Variants in LRP2 observed in about 807,000 individuals in gnomAD.
The protein encoded by LRP2 is LDL receptor related protein 2.
A neutral mutation model predicts 531.0 loss-of-function variants in LRP2; 172 were observed. The observed-to-expected ratio is 0.32, with a 90% CI of 0.29 to 0.37. The LOEUF is 0.37. Ranked by LOEUF, LRP2 falls within the 10% of genes least tolerant of loss-of-function variation. The pLI is 1.00. For synonymous variants in LRP2, 1,992 were observed against 2,027.6 expected, an observed-to-expected ratio of 0.98 and a Z score of 0.47; for missense variants, 5,167 against 5,868.3, an observed-to-expected ratio of 0.88 and a Z score of 3.90.
Position 169,279,570 on chromosome 2 carries a change from A to T in LRP2, c.1367T>A (p.Leu456Ter). The change falls in exon 12 of 79, where the codon TTA becomes TAA. Residue 456 changes from leucine to a stop codon, truncating the protein, a stop_gained. Coordinates refer to ENST00000649046, the MANE Select transcript of LRP2 (RefSeq NM_004525.3). LOFTEE classifies it high-confidence loss of function. ...AACATTGAGAACCTCTTGGATATTTAAACCATTAATGTCAACTGAAAAAAC... is the reference window on the plus strand; with the variant it reads ...AACATTGAGAACCTCTTGGATATTTTAACCATTAATGTCAACTGAAAAAAC... ...NKVFSVDINGLNIQEVLNVSV... is the reference protein window; with the variant it reads ...NKVFSVDING 1 of 1,613,316 alleles carries T rather than the reference A, an allele frequency of 6.2e-7. No homozygotes were observed. The highest frequency in any genetic ancestry group is 8.5e-7 in the Non-Finnish European group (1 of 1,179,330).
chr2:169,163,410 T>C (rs1686658968), intron 62 of LRP2, among the ~76,000 whole-genome samples: 1 of 152,132 alleles, frequency 6.6e-6, no homozygotes, highest in Non-Finnish European at 1.5e-5. Flanking sequence ...TCCCAAACAG[T>C]AAAAGTCTGA....
At chr2:169,294,337 G>A in intron 5 of LRP2, 76 bp from the exon 6 acceptor site, 2 of 915,100 alleles carry the variant, frequency 2.2e-6, no homozygotes, top group Non-Finnish European at 3.7e-6. Flanking sequence ...CAAAGGAAGA[G>A]CATCTCCAGT....
chr2:169,339,451 A>T (rs911165828), intron 1 of LRP2, among the ~76,000 whole-genome samples: 5 of 152,168 alleles, frequency 3.3e-5, no homozygotes, highest in Non-Finnish European at 7.4e-5. Flanking sequence ...AAAATATATC[A>T]CTACTTAGTG....
chr2:169,138,388 T>A (rs1040795428), intron 75 of LRP2, among the ~76,000 whole-genome samples, 189 bp downstream of exon 75: 2 of 152,206 alleles, frequency 1.3e-5, no homozygotes. Context: ...TAAATTCCAA[T>A]GTTATTACCA....
chr2:169,331,111 C>T (rs72880441), intron 1 of LRP2, among the ~76,000 whole-genome samples: 6,431 of 152,166 alleles, frequency 0.042, 191 homozygotes, highest in Non-Finnish European at 0.059. Context: ...GAGGGGACCA[C>T]ACTAGAAAAA....
chr2:169,300,218 A>C (rs552623349), intron 4 of LRP2, among the ~76,000 whole-genome samples: 522 of 152,232 alleles, frequency 3.4e-3, no homozygotes, highest in African/African-American at 0.011. Context: ...TATTTGGGAG[A>C]GTGAAATTAC....
At chr2:169,221,166 G>A (rs189348465) in intron 33 of LRP2, among the ~76,000 whole-genome samples, 182 of 152,224 alleles carry the variant, frequency 1.2e-3, no homozygotes, top group African/African-American at 4.1e-3. Flanking sequence ...GAAGGTCTGC[G>A]TAGACCTTAC....
At chr2:169,182,369 T>C (rs762339110) in intron 50 of LRP2, 50 bp from the exon 51 acceptor site, 1 of 1,607,346 alleles carries the variant, frequency 6.2e-7, no homozygotes, top group Non-Finnish European at 8.5e-7. Context: ...TGTGAAATGG[T>C]ACATATTTAG....
chr2:169,318,717 T>A, intron 3 of LRP2, 45 bp downstream of exon 3: 1 of 1,613,766 alleles, frequency 6.2e-7, no homozygotes. Flanking sequence ...GGTTGGGTTT[T>A]AGGTGTCCAC....
In LRP2 at chr2:169,156,278, A is replaced by C; in HGVS notation, c.12147T>G (p.Ala4049=). The C allele has an allele frequency of 6.2e-7, 1 of 1,613,680 alleles. No individual in the cohort carries two copies. Among genetic ancestry groups the C allele is most frequent in the Non-Finnish European group, 8.5e-7 (1 of 1,179,644 alleles). Residue 4049 remains alanine, a synonymous_variant, in exon 65 of 79, where the codon GCT becomes GCG. Transcript: ENST00000649046. ...CCCAACATGAACCCATCATACCCTC[A>C]GCTGCACATCGTTTTCCAGGGCGGT... ...MSDRPGKRCA[A]EGSSPLLLLP... is the part of the protein sequence containing the mutation.
At chr2:169,159,281 A>G (rs890744924) in intron 63 of LRP2, among the ~76,000 whole-genome samples, 1 of 152,142 alleles carries the variant, frequency 6.6e-6, no homozygotes, top group Non-Finnish European at 1.5e-5. Context: ...ATCAAAATAG[A>G]TTTATATCTA....
intron 16 of LRP2, among the ~76,000 whole-genome samples, chr2:169,262,208 C>T (rs1436231675): frequency 3.4e-5 from 5 of 147,396 alleles, no homozygotes; most frequent in East Asian, 4.0e-4. Flanking sequence ...CCTCTCTCAC[C>T]ACTCCTATTC....
intron 16 of LRP2, among the ~76,000 whole-genome samples, chr2:169,269,855 A>T (rs1334088333): frequency 6.6e-6 from 1 of 152,234 alleles, no homozygotes; most frequent in Non-Finnish European, 1.5e-5. Flanking sequence ...CAATCTACCC[A>T]TCTTACAAAG....
At chr2:169,320,729 C>A (rs368418806) in intron 2 of LRP2, 48 bp downstream of exon 2, 1 of 1,428,968 alleles carries the variant, frequency 7.0e-7, no homozygotes. Flanking sequence ...CACCAGGAAG[C>A]ACTTAGGTTA....
chr2:169,228,476 AC>A (rs1388209425), intron 31 of LRP2, among the ~76,000 whole-genome samples: 1 of 152,066 alleles, frequency 6.6e-6, no homozygotes, highest in Non-Finnish European at 1.5e-5. Context: ...TTACTCACTT[AC>A]GTAAGATCTG....
rs778463783 is a variant in LRP2, at chr2:169,231,876, G to A, written c.5099-34C>T. 3 of 1,611,464 alleles carry A rather than the reference G, an allele frequency of 1.9e-6. No individual in the cohort carries two copies. The East Asian group carries it at 6.7e-5, about 36-fold the overall frequency. On this transcript the variant is annotated intron_variant, in intron 30 of 78. Transcript: ENST00000649046. ...GAAAGAGAAGAAAGCACCAGTAAGT[G>A]GAAAACCTCCACATTAAAATCAAAA...
intron 57 of LRP2, 22 bp from the exon 58 acceptor site, chr2:169,172,156 G>A: frequency 6.2e-7 from 1 of 1,613,970 alleles, no homozygotes; most frequent in South Asian, 1.1e-5. Context: ...TCATTGCAAA[G>A]ACTTCATAAA....
chr2:169,207,145 G>C lies in LRP2; in HGVS notation c.6575C>G (p.Pro2192Arg), dbSNP rs780008529. The change falls in exon 39 of 79, where the codon CCT becomes CGT. Residue 2192 changes from proline to arginine, a missense_variant. This residue lies in a region of LRP2 where 2,811 missense variants were observed against 3,058.0 expected (regional missense o/e 0.92). Coordinates refer to ENST00000649046, the MANE Select transcript of LRP2 (RefSeq NM_004525.3). Reference sequence around the variant, plus strand: ...CTTGGGATCTACAACAATATGCCTAGGCATGTCCACTGTGACTTTAAGAAG... The same window carrying C: ...CTTGGGATCTACAACAATATGCCTACGCATGTCCACTGTGACTTTAAGAAG... Reference protein sequence around the residue: ...RVLLKVTVDMPRHIVVDPKNR... With the variant: ...RVLLKVTVDMRRHIVVDPKNR... 1.1e-5 allele frequency: 17 copies of C among 1,613,232 alleles called. No individual in the cohort carries two copies. The highest frequency in any genetic ancestry group is 1.4e-5 in the Non-Finnish European group (17 of 1,179,688).
At chr2:169,230,132 AATC>A (rs1373376262) in intron 31 of LRP2, among the ~76,000 whole-genome samples, 3 of 152,232 alleles carry the variant, frequency 2.0e-5, no homozygotes, top group Non-Finnish European at 2.9e-5. Context: ...AACACTTATC[AATC>A]ATCATCAGAG....
Sources: allele counts gnomAD v4.1 joint callset (sites outside exome capture counted in the v4.1 genomes callset), GRCh38; gene constraint gnomAD v4.1.1; regional missense constraint gnomAD v4.1.1; transcripts MANE v1.5; gene names NCBI Gene and HGNC (gene_info 2026-07-23, HGNC 2026-07-21).